The following EXOC3L4 variants were observed in gnomAD, a reference collection of about 807,000 sequenced individuals.
EXOC3L4 encodes the protein exocyst complex component 3 like 4.
In EXOC3L4, 62 loss-of-function variants were observed where a neutral mutation model predicts 69.7. The observed-to-expected ratio is 0.89, with a 90% CI of 0.72 to 1.10. The LOEUF (loss-of-function observed/expected upper bound fraction) is 1.10, where lower values mean the gene tolerates loss of function less well. Ranked by LOEUF, EXOC3L4 falls within the 50% of genes least tolerant of loss-of-function variation. The pLI is 0.00. For synonymous variants in EXOC3L4, 502 were observed against 464.2 expected, an observed-to-expected ratio of 1.08 and a Z score of -1.05; for missense variants, 1,087 against 1,034.8, an observed-to-expected ratio of 1.05 and a Z score of -0.69.
chr14:103,106,924 C>T (rs754669412), intron 8 of EXOC3L4, 25 bp downstream of exon 8: 1 of 1,514,138 alleles, frequency 6.6e-7, no homozygotes, highest in Non-Finnish European at 8.9e-7. Flanking sequence ...CCCTCTCTCC[C>T]TACTTCCCAT....
In EXOC3L4 at chr14:103,110,282, A is replaced by G; in HGVS notation, c.*59A>G. On this transcript the variant is annotated 3_prime_UTR_variant, in exon 12 of 12. Coordinates refer to ENST00000688303, the MANE Select transcript of EXOC3L4 (RefSeq NM_001077594.2). ...CAGGGAGCTGTGGTCAGTGGGGGTC[A>G]GCCAGGAGCCCAGGGAGTCACTCTG... is the stretch of plus-strand genomic sequence containing the variant. 1 of 1,492,768 alleles carries G rather than the reference A, an allele frequency of 6.7e-7. No individual in the cohort carries two copies. Among genetic ancestry groups the G allele is most frequent in the Non-Finnish European group, 8.9e-7 (1 of 1,118,990 alleles). 92.5% of individuals were successfully genotyped at this position (1,492,768 alleles called of 1,614,324 possible).
chr14:103,108,296 C>T (rs932016508), intron 10 of EXOC3L4, 100 bp from the exon 11 acceptor site: 85 of 1,514,846 alleles, frequency 5.6e-5, no homozygotes, highest in Non-Finnish European at 7.0e-5. Context: ...AGGGCTGACG[C>T]TGCGGGAGGG....
chr14:103,096,888 G>A (rs1889912372), intron 1 of EXOC3L4, among the ~76,000 whole-genome samples: 1 of 152,246 alleles, frequency 6.6e-6, no homozygotes, highest in Non-Finnish European at 1.5e-5. Context: ...TCAGGTGAAG[G>A]TGGATGGCAG....
At chr14:103,108,892 C>T (rs1217441731) in intron 11 of EXOC3L4, among the ~76,000 whole-genome samples, 2 of 152,032 alleles carry the variant, frequency 1.3e-5, no homozygotes, top group African/African-American at 2.4e-5. Context: ...GTCATCCAAG[C>T]CTTTGGAAAT....
Position 103,108,473 on chromosome 14 carries a change from C to T in EXOC3L4, c.1932C>T (p.Ile644=), listed in dbSNP as rs758399381. Residue 644 remains isoleucine, a synonymous_variant, in exon 11 of 12, where the codon ATC becomes ATT. Transcript: ENST00000688303. ...TGGGCGAGACCTACAAAGATGACAT[C>T]CAGCGGCACCTGGAGACTCTTATCC... ...EILGETYKDD[I]QRHLETLIRS... 8.1e-6 allele frequency: 13 copies of T among 1,613,870 alleles called. No homozygotes were observed. The African/African-American group carries it at 1.6e-4, about 20-fold the overall frequency.
At chr14:103,100,099 C>T (rs1412742329) in intron 1 of EXOC3L4, 105 bp from the exon 2 acceptor site, 1 of 1,271,200 alleles carries the variant, frequency 7.9e-7, no homozygotes, top group Non-Finnish European at 1.1e-6. Flanking sequence ...AGGGCTGCCT[C>T]CTCTGGAGAG....
chr14:103,096,426 T>G (rs1318550032), intron 1 of EXOC3L4, among the ~76,000 whole-genome samples: 1 of 118,268 alleles, frequency 8.5e-6, no homozygotes, highest in Non-Finnish European at 1.8e-5. Flanking sequence ...ATTGTAAGAT[T>G]TAGTAGAGTG....
At chr14:103,094,988 GAC>G (rs897006117) in intron 1 of EXOC3L4, 148 bp downstream of exon 1, 13 of 152,588 alleles carry the variant, frequency 8.5e-5, no homozygotes, top group African/African-American at 1.7e-4. Flanking sequence ...AATCACAGTG[GAC>G]ACACACACAC....
intron 2 of EXOC3L4, among the ~76,000 whole-genome samples, chr14:103,101,184 C>T (rs769608555): frequency 1.3e-5 from 2 of 152,064 alleles, no homozygotes; most frequent in Non-Finnish European, 2.9e-5. Context: ...GGATTACAGG[C>T]GTGAACCACT....
intron 2 of EXOC3L4, 84 bp from the exon 3 acceptor site, chr14:103,102,034 G>T: frequency 1.4e-6 from 2 of 1,401,314 alleles, no homozygotes; most frequent in Non-Finnish European, 1.9e-6. Context: ...AGCCCCGATG[G>T]ATTGAGCCGT....
intron 8 of EXOC3L4, 71 bp from the exon 9 acceptor site, chr14:103,107,353 T>C: frequency 6.4e-7 from 1 of 1,569,456 alleles, no homozygotes; most frequent in East Asian, 2.3e-5. Context: ...AGTGGCACAC[T>C]GGGCTTCGAG....
At chr14:103,101,142 G>T (rs1029851793) in intron 2 of EXOC3L4, among the ~76,000 whole-genome samples, 1 of 151,848 alleles carries the variant, frequency 6.6e-6, no homozygotes, top group Non-Finnish European at 1.5e-5. Context: ...TCCTGACCTC[G>T]CGATCCGCCC....
At chr14:103,108,700 A>G (rs1371654996) in intron 11 of EXOC3L4, among the ~76,000 whole-genome samples, 183 bp downstream of exon 11, 1 of 152,018 alleles carries the variant, frequency 6.6e-6, no homozygotes, top group East Asian at 1.9e-4. Flanking sequence ...CCTTCTCCTA[A>G]TCTGCTCTTG....
chr14:103,104,962 T>C lies in EXOC3L4; in HGVS notation c.1386-30T>C, dbSNP rs1297929677. The C allele has an allele frequency of 2.6e-5, 41 of 1,598,234 alleles. No individual in the cohort carries two copies. The Admixed American group carries it at 6.6e-4, about 26-fold the overall frequency. The stretch of plus-strand genomic sequence containing the variant: ...AGGGTCATCGCGCAGCTAGGGAGGG[T>C]CCCCAAAGGCTCTGTGTATCCCGCC... On this transcript the variant is annotated intron_variant, in intron 6 of 11. Transcript: ENST00000688303.
In EXOC3L4 at chr14:103,102,116, A is replaced by G. The variant is rs1034269875; in HGVS notation, c.395-2A>G. The G allele has an allele frequency of 3.7e-6, 6 of 1,600,612 alleles. No homozygotes were observed. Among genetic ancestry groups the G allele is most frequent in the Non-Finnish European group, 4.3e-6 (5 of 1,174,214 alleles). Reference sequence around the variant, plus strand: ...CACCGCCCTTCTCGCCCGCCTGTGCAGAAGGCAAATCCGTGGCCGACCTCA... The same window carrying G: ...CACCGCCCTTCTCGCCCGCCTGTGCGGAAGGCAAATCCGTGGCCGACCTCA... On this transcript the variant is annotated splice_acceptor_variant, in intron 2 of 11. Coordinates refer to ENST00000688303, the MANE Select transcript of EXOC3L4 (RefSeq NM_001077594.2). LOFTEE classifies it high-confidence loss of function.
In EXOC3L4 at chr14:103,103,922, C is replaced by A; in HGVS notation, c.1050-19C>A. 1 of 1,523,780 alleles carries A rather than the reference C, an allele frequency of 6.6e-7. No homozygotes were observed. Among genetic ancestry groups the A allele is most frequent in the Non-Finnish European group, 8.8e-7 (1 of 1,135,896 alleles). 94.4% of individuals were successfully genotyped at this position (1,523,780 alleles called of 1,614,324 possible). ...CATCAGAGCCGCTCCCGCCCCCAGC[C>A]CCCTGCCCTGTCTTCCAGTCCTGAC... is the stretch of plus-strand genomic sequence containing the variant. On this transcript the variant is annotated intron_variant, in intron 3 of 11. Coordinates refer to ENST00000688303, the MANE Select transcript of EXOC3L4 (RefSeq NM_001077594.2).
chr14:103,103,932 G>A lies in EXOC3L4; in HGVS notation c.1050-9G>A. The A allele has an allele frequency of 6.5e-7, 1 of 1,536,092 alleles. No homozygotes were observed. The highest frequency in any genetic ancestry group is 1.2e-5 in the South Asian group (1 of 84,138). On this transcript the variant is annotated splice_polypyrimidine_tract_variant and intron_variant, in intron 3 of 11. Coordinates refer to ENST00000688303, the MANE Select transcript of EXOC3L4 (RefSeq NM_001077594.2). ...GCTCCCGCCCCCAGCCCCCTGCCCT[G>A]TCTTCCAGTCCTGACTTCCTGGGCG... is the stretch of plus-strand genomic sequence containing the variant.
intron 1 of EXOC3L4, among the ~76,000 whole-genome samples, chr14:103,099,943 A>T (rs925221663): frequency 6.6e-6 from 1 of 152,168 alleles, no homozygotes. Flanking sequence ...GACGGTGGGC[A>T]CCTGCGGAGA....
At chr14:103,107,340 AG>A in intron 8 of EXOC3L4, 83 bp from the exon 9 acceptor site, 1 of 1,555,758 alleles carries the variant, frequency 6.4e-7, no homozygotes, top group South Asian at 1.2e-5. Flanking sequence ...GGAAGGGGTC[AG>A]GAGTGGCACA....
Sources: allele counts gnomAD v4.1 joint callset (sites outside exome capture counted in the v4.1 genomes callset), GRCh38; gene constraint gnomAD v4.1.1; transcripts MANE v1.5; gene names NCBI Gene and HGNC (gene_info 2026-07-23, HGNC 2026-07-21).